The following ASAP1 variants were observed in gnomAD, a reference collection of about 807,000 sequenced individuals.
The protein encoded by ASAP1 is arf-GAP with SH3 domain, ANK repeat and PH domain-containing protein 1.
ASAP1 carries 43 observed loss-of-function variants against 145.2 expected under a neutral mutation model. The ratio of observed to expected loss-of-function variants is 0.30; its 90% CI spans 0.23 to 0.38. The LOEUF is 0.38. Ranked by LOEUF, ASAP1 falls within the 10% of genes least tolerant of loss-of-function variation. ASAP1 has a pLI of 1.00. For missense variants in ASAP1, 1,018 were observed against 1,355.3 expected (o/e 0.75, Z 3.91); for synonymous variants, 546 against 515.5 (o/e 1.06, Z -0.80).
At chr8:130,275,139 TATACAA>T (rs1820804172) in intron 3 of ASAP1, among the ~76,000 whole-genome samples, 3 of 152,220 alleles carry the variant, frequency 2.0e-5, no homozygotes, top group Admixed American at 2.0e-4. Context: ...AATGAGAGCA[TATACAA>T]AGCTCTGAGC....
intron 2 of ASAP1, among the ~76,000 whole-genome samples, chr8:130,391,885 A>T (rs1421379500): frequency 6.6e-6 from 1 of 152,244 alleles, no homozygotes; most frequent in Admixed American, 6.5e-5. Flanking sequence ...ATGGTCCCCT[A>T]CCAGGCTGAT....
chr8:130,318,537 G>A (rs998372948), intron 3 of ASAP1, among the ~76,000 whole-genome samples: 5 of 152,076 alleles, frequency 3.3e-5, no homozygotes, highest in South Asian at 2.1e-4. Context: ...ACAATGAGTC[G>A]GCAGGTGAAA....
chr8:130,403,915 C>T (rs1828915039), intron 1 of ASAP1, among the ~76,000 whole-genome samples: 2 of 152,100 alleles, frequency 1.3e-5, no homozygotes, highest in African/African-American at 2.4e-5. Context: ...GTCCTTTGCC[C>T]ATGTTGTTCT....
intron 3 of ASAP1, among the ~76,000 whole-genome samples, chr8:130,324,787 C>T (rs1485640331): frequency 6.6e-6 from 1 of 152,152 alleles, no homozygotes; most frequent in Non-Finnish European, 1.5e-5. Flanking sequence ...ATTCACATGG[C>T]CCACATCTTA....
intron 2 of ASAP1, among the ~76,000 whole-genome samples, chr8:130,393,307 G>T (rs75678251): frequency 0.017 from 2,663 of 152,320 alleles, 40 homozygotes; most frequent in East Asian, 0.053. Context: ...CAGTGAGCAT[G>T]AGTCTTTACT....
At chr8:130,426,887 C>T (rs1829939164) in intron 1 of ASAP1, among the ~76,000 whole-genome samples, 3 of 152,212 alleles carry the variant, frequency 2.0e-5, no homozygotes, top group Non-Finnish European at 4.4e-5. Flanking sequence ...TGTTTGCTAT[C>T]TGTTGCCCCA....
At chr8:130,360,994 G>A (rs1019455256) in intron 2 of ASAP1, 1 of 153,788 alleles carries the variant, frequency 6.5e-6, no homozygotes, top group African/African-American at 2.4e-5. Context: ...ATGGAGCACT[G>A]ACAACACACG....
chr8:130,396,882 G>C (rs1008889655), intron 2 of ASAP1, among the ~76,000 whole-genome samples: 1 of 152,212 alleles, frequency 6.6e-6, no homozygotes, highest in African/African-American at 2.4e-5. Context: ...AGGGTCTAAA[G>C]TTTAGGTCAC....
intron 3 of ASAP1, among the ~76,000 whole-genome samples, chr8:130,274,676 C>CAG (rs1240137185): frequency 1.4e-4 from 22 of 152,236 alleles, no homozygotes; most frequent in Non-Finnish European, 7.3e-5. Context: ...GAGTGATCAA[C>CAG]AGAAGTTCAC....
At position 130,300,145 on chromosome 8, in the gene ASAP1, CACACACACAG is replaced by C. The variant is rs1410190221; in HGVS notation, c.186+57862_186+57871del. Among the ~76,000 whole-genome samples the C allele has an allele frequency of 1.1e-3, 119 of 107,418 alleles. 1 individual carries two copies. The highest frequency in any genetic ancestry group is 7.8e-3 in the East Asian group (27 of 3,474). The allele number at this position is 107,418 out of a possible 152,430, so 70.5% of individuals were successfully genotyped here. ...ACACACACACACACACACACACACA[CACACACACAG>C]AGAGAGAGAGAGAGAGAGAGAGAGA... On this transcript the variant is annotated intron_variant, in intron 3 of 29. Transcript: ENST00000518721.
intron 23 of ASAP1, among the ~76,000 whole-genome samples, chr8:130,114,209 G>C (rs560559891): frequency 8.5e-5 from 13 of 152,248 alleles, no homozygotes; most frequent in Non-Finnish European, 1.8e-4. Context: ...TTTCGTTCTT[G>C]TGCGAACATC....
At chr8:130,292,741 A>G (rs1448458737) in intron 3 of ASAP1, among the ~76,000 whole-genome samples, 19 of 152,164 alleles carry the variant, frequency 1.2e-4, no homozygotes, top group Admixed American at 1.2e-3. Flanking sequence ...AAAAAAAGCA[A>G]GCTCCCAACT....
Position 130,170,644 on chromosome 8 carries a change from A to C in ASAP1, c.747-1577T>G, listed in dbSNP as rs139207714. 2.5e-3 allele frequency among the ~76,000 whole-genome samples: 385 copies of C among 152,324 alleles called. 1 individual carries two copies. Among genetic ancestry groups the C allele is most frequent in the African/African-American group, 8.9e-3 (370 of 41,564 alleles). ...AAAGAAGAAAAATACTACCTTTAGA[A>C]AGTTTTTCAGCAACAGGGATGAGAG... On this transcript the variant is annotated intron_variant, in intron 9 of 29. Coordinates refer to ENST00000518721, the MANE Select transcript of ASAP1 (RefSeq NM_018482.4).
chr8:130,255,459 AT>A (rs35072710), intron 3 of ASAP1, among the ~76,000 whole-genome samples: 4 of 151,834 alleles, frequency 2.6e-5, no homozygotes, highest in African/African-American at 7.3e-5. Context: ...ACCTTTGCAT[AT>A]TTTTTTTCCT....
At chr8:130,379,368 A>G (rs1266215211) in intron 2 of ASAP1, among the ~76,000 whole-genome samples, 2 of 152,316 alleles carry the variant, frequency 1.3e-5, no homozygotes, top group African/African-American at 4.8e-5. Context: ...TCAGGGTGGT[A>G]TGGCTGTAGA....
chr8:130,287,867 C>G (rs1821713546), intron 3 of ASAP1, among the ~76,000 whole-genome samples: 2 of 152,150 alleles, frequency 1.3e-5, no homozygotes, highest in Non-Finnish European at 2.9e-5. Flanking sequence ...ATAGCAGAGA[C>G]CCTGGGAAGG....
Position 130,072,824 on chromosome 8 carries a change from T to TGTGTGTGTGTGTGTGTGTGCGCGC in ASAP1, c.2701+3523_2701+3524insGCGCGCACACACACACACACACAC. Among the ~76,000 whole-genome samples the TGTGTGTGTGTGTGTGTGTGCGCGC allele has an allele frequency of 4.6e-4, 15 of 32,300 alleles. 1 individual carries two copies. Among genetic ancestry groups the TGTGTGTGTGTGTGTGTGTGCGCGC allele is most frequent in the East Asian group, 2.4e-3 (1 of 414 alleles). The allele number at this position is 32,300 out of a possible 152,430, so 21.2% of individuals were successfully genotyped here. A position where few individuals can be genotyped will look rare whatever the true frequency, so the allele number is the denominator to read the frequency against. ...GTGTGTGTGTGTGTGTGTGTGTGTG[T>TGTGTGTGTGTGTGTGTGTGCGCGC]GCGCGCGGGGGGGGGCAGTTTTGGG... On this transcript the variant is annotated intron_variant, in intron 27 of 29. Coordinates refer to ENST00000518721, the MANE Select transcript of ASAP1 (RefSeq NM_018482.4).
At chr8:130,340,796 T>C in intron 3 of ASAP1, 2 of 406,996 alleles carry the variant, frequency 4.9e-6, no homozygotes, top group East Asian at 7.2e-5. Context: ...AAAATTTACA[T>C]AAAGAACTTA....
chr8:130,400,634 C>CA (rs1565284358), intron 2 of ASAP1, among the ~76,000 whole-genome samples: 4 of 151,268 alleles, frequency 2.6e-5, no homozygotes, highest in African/African-American at 7.3e-5. Flanking sequence ...AAAAAAAATA[C>CA]AAAAAAATTA....
Sources: gnomAD v4.1 joint callset for allele counts (sites outside exome capture counted in the v4.1 genomes callset) on GRCh38, gnomAD v4.1.1 for gene constraint, MANE v1.5 for transcripts, NCBI Gene and HGNC (gene_info 2026-07-23, HGNC 2026-07-21) for gene names.